The following ABHD2 variants were observed in gnomAD, a reference collection of about 807,000 sequenced individuals.
The protein encoded by ABHD2 is abhydrolase domain containing 2, acylglycerol lipase, also known as monoacylglycerol lipase ABHD2.
In ABHD2, 20 loss-of-function variants were observed where a neutral mutation model predicts 48.1. The ratio of observed to expected loss-of-function variants is 0.42; its 90% CI spans 0.29 to 0.60. The LOEUF (loss-of-function observed/expected upper bound fraction) is 0.60, where lower values mean the gene tolerates loss of function less well. ABHD2 is among the 20% of genes least tolerant of loss of function. ABHD2 has a pLI of 0.24. For synonymous variants in ABHD2, 209 were observed against 214.2 expected (o/e 0.98, Z 0.21); for missense variants, 405 against 550.9 (o/e 0.74, Z 2.65).
the ABHD2 span, among the ~76,000 whole-genome samples, chr15:89,079,705 T>A: frequency 6.6e-6 from 1 of 152,200 alleles, no homozygotes; most frequent in East Asian, 1.9e-4. The surrounding 1 kb of genome is among the most constrained non-coding windows in gnomAD (Gnocchi z 4.3). Context: ...AATAAACTTT[T>A]ATTCAAGAAA....
the ABHD2 span, among the ~76,000 whole-genome samples, chr15:89,044,925 A>G: frequency 6.7e-6 from 1 of 150,270 alleles, no homozygotes; most frequent in Non-Finnish European, 1.5e-5. Flanking sequence ...CCCATTTGTC[A>G]ATTTTGGCTT....
chr15:89,123,593 C>CTTT (rs138910210), intron 3 of ABHD2, among the ~76,000 whole-genome samples: 204 of 96,644 alleles, frequency 2.1e-3, no homozygotes, highest in Non-Finnish European at 3.1e-3. Context: ...TTCTTTCTTT[C>CTTT]TTTTTTTTTT....
At chr15:89,157,285 C>T (rs1382815619) in intron 5 of ABHD2, among the ~76,000 whole-genome samples, 1 of 152,130 alleles carries the variant, frequency 6.6e-6, no homozygotes, top group African/African-American at 2.4e-5. Context: ...TTTTTTTATG[C>T]ATATTTGTAC....
the ABHD2 span, among the ~76,000 whole-genome samples, chr15:89,051,943 G>T: frequency 1.3e-5 from 2 of 152,322 alleles, no homozygotes; most frequent in East Asian, 3.9e-4. Context: ...CAGGACTCGT[G>T]AGAAGCTATT....
chr15:89,138,610 G>A (rs982751329), intron 3 of ABHD2, among the ~76,000 whole-genome samples: 1 of 152,170 alleles, frequency 6.6e-6, no homozygotes, highest in Non-Finnish European at 1.5e-5. Context: ...TGAGAAACAT[G>A]CAAAACGAAA....
chr15:89,057,456 G>A, the ABHD2 span, among the ~76,000 whole-genome samples: 1 of 152,190 alleles, frequency 6.6e-6, no homozygotes, highest in Non-Finnish European at 1.5e-5. Flanking sequence ...GGGACTGGCC[G>A]CCTCTGGAAC....
At chr15:89,170,944 C>T (rs1321540820) in intron 5 of ABHD2, among the ~76,000 whole-genome samples, 3 of 151,894 alleles carry the variant, frequency 2.0e-5, no homozygotes, top group African/African-American at 4.8e-5. Context: ...GGTGAAGCCC[C>T]GCCTCTACTA....
chr15:89,126,460 G>A (rs1206948089), intron 3 of ABHD2, among the ~76,000 whole-genome samples: 7 of 152,216 alleles, frequency 4.6e-5, no homozygotes, highest in East Asian at 1.9e-4. Flanking sequence ...AGAAAGTCTC[G>A]AATTTCTAAG....
chr15:89,075,185 T>G, the ABHD2 span: 1 of 152,158 alleles, frequency 6.6e-6, no homozygotes, highest in Non-Finnish European at 1.5e-5. The surrounding 1 kb of genome is among the most constrained non-coding windows in gnomAD (Gnocchi z 4.1). Flanking sequence ...GCAGCTATCA[T>G]GTAAGTAAGG....
intron 1 of ABHD2, chr15:89,090,349 A>G (rs1278796949): frequency 6.6e-6 from 1 of 152,200 alleles, no homozygotes; most frequent in Non-Finnish European, 1.5e-5. Context: ...CATCTGAAGC[A>G]TTTAGAACAG....
In ABHD2 at chr15:89,088,599, G is replaced by T; in HGVS notation, c.-107+36G>T. 6.6e-6 allele frequency: 1 copy of T among 152,488 alleles called. No individual in the cohort carries two copies. Among genetic ancestry groups the T allele is most frequent in the South Asian group, 2.1e-4 (1 of 4,838 alleles). The allele number at this position is 152,488 out of a possible 1,614,324, so 9.4% of individuals were successfully genotyped here. ...GGCCGAGCGAGCTCCGCGGAGCGGGGATCGCACCCCGGACCCGTCGAACCG... is the reference window on the plus strand; with the variant it reads ...GGCCGAGCGAGCTCCGCGGAGCGGGTATCGCACCCCGGACCCGTCGAACCG... On this transcript the variant is annotated intron_variant, in intron 1 of 10. Coordinates refer to ENST00000352732, the MANE Select transcript of ABHD2 (RefSeq NM_152924.5). The surrounding 1 kb of genome is among the most constrained non-coding windows in gnomAD (Gnocchi z 6.8).
intron 5 of ABHD2, among the ~76,000 whole-genome samples, chr15:89,156,559 A>C (rs8038723): frequency 0.061 from 9,224 of 152,086 alleles, 981 homozygotes; most frequent in African/African-American, 0.21. Flanking sequence ...CAAGCCTGGC[A>C]ATCATGGCAA....
intron 3 of ABHD2, among the ~76,000 whole-genome samples, chr15:89,141,830 G>T (rs2050408066): frequency 6.6e-6 from 1 of 152,154 alleles, no homozygotes; most frequent in Non-Finnish European, 1.5e-5. Context: ...ATCTACCAGG[G>T]TTCTCCGTGT....
chr15:89,121,522 G>C (rs548344121), intron 3 of ABHD2, among the ~76,000 whole-genome samples: 1 of 151,524 alleles, frequency 6.6e-6, no homozygotes, highest in African/African-American at 2.4e-5. Context: ...CAAATCTTAA[G>C]TATATAGCTC....
At chr15:89,076,650 C>T in the ABHD2 span, among the ~76,000 whole-genome samples, 1 of 151,852 alleles carries the variant, frequency 6.6e-6, no homozygotes, top group Non-Finnish European at 1.5e-5. Context: ...TGTCCAGCTA[C>T]TTTTTTGTAT....
rs1472835790 is a variant in ABHD2, at chr15:89,151,739, T to C, written c.257T>C (p.Met86Thr). 1 of 1,614,182 alleles carries C rather than the reference T, an allele frequency of 6.2e-7. No homozygotes were observed. The highest frequency in any genetic ancestry group is 2.2e-5 in the East Asian group (1 of 44,882). ...ATCCAGACAGCCTTGTATGGGAAGA[T>C]GGGAAGGGTGAGGTCGCCACATCCT... ...GHIQTALYGK[M>T]GRVRSPHPYG... Residue 86 changes from methionine (M) to threonine (T), a missense_variant, in exon 4 of 11, where the codon ATG becomes ACG. Physicochemically the swap from Met to Thr is moderately conservative, Grantham distance 81. Coordinates refer to ENST00000352732, the MANE Select transcript of ABHD2 (RefSeq NM_152924.5). This position sits in a 1 kb window ranked among gnomAD's most constrained non-coding sequence, Gnocchi z 4.7.
intron 2 of ABHD2, among the ~76,000 whole-genome samples, chr15:89,115,164 T>C (rs1222214025): frequency 2.0e-5 from 3 of 152,192 alleles, no homozygotes; most frequent in African/African-American, 4.8e-5. Flanking sequence ...CAGAGGCTAC[T>C]TGAAACCATT....
chr15:89,134,084 C>T (rs939417631), intron 3 of ABHD2, among the ~76,000 whole-genome samples: 38 of 152,234 alleles, frequency 2.5e-4, no homozygotes, highest in South Asian at 8.3e-4. Context: ...GTGATCCTCC[C>T]GCCTCAGCCT....
intron 3 of ABHD2, among the ~76,000 whole-genome samples, chr15:89,143,770 G>A (rs1198270581): frequency 6.6e-6 from 1 of 151,858 alleles, no homozygotes; most frequent in Non-Finnish European, 1.5e-5. Context: ...AAGTCAAAAG[G>A]GGATGTTCAA....
Sources: allele counts gnomAD v4.1 joint callset (sites outside exome capture counted in the v4.1 genomes callset), GRCh38; gene constraint gnomAD v4.1.1; non-coding constraint Gnocchi (gnomAD v3.1); transcripts MANE v1.5; gene names NCBI Gene and HGNC (gene_info 2026-07-23, HGNC 2026-07-21).